NHERF1: variants seen among roughly 807,000 people sequenced by gnomAD.
NHERF1 encodes Na(+)/H(+) exchange regulatory cofactor NHE-RF1.
chr17:74,762,634 T>C, the NHERF1 span, among the ~76,000 whole-genome samples: 3 of 151,922 alleles, frequency 2.0e-5, no homozygotes, highest in Non-Finnish European at 4.4e-5. The surrounding 1 kb of genome is among the most constrained non-coding windows in gnomAD (Gnocchi z 4.2). Context: ...CCCAGCTCAC[T>C]GCAACCTCCG....
At chr17:74,768,748 A>G in the NHERF1 span, 2 of 1,058,520 alleles carry the variant, frequency 1.9e-6, no homozygotes, top group East Asian at 2.4e-5. Flanking sequence ...GAATCAATGT[A>G]CAAATCAGCA....
the NHERF1 span, chr17:74,748,837 G>C: frequency 1.3e-6 from 2 of 1,586,546 alleles, no homozygotes; most frequent in Non-Finnish European, 1.7e-6. This position sits in a 1 kb window ranked among gnomAD's most constrained non-coding sequence, Gnocchi z 4.3. Flanking sequence ...CTGACCCGTC[G>C]CAGGGCGAGA....
At chr17:74,760,263 A>T in the NHERF1 span, among the ~76,000 whole-genome samples, 1 of 151,982 alleles carries the variant, frequency 6.6e-6, no homozygotes, top group Non-Finnish European at 1.5e-5. This position sits in a 1 kb window ranked among gnomAD's most constrained non-coding sequence, Gnocchi z 4.5. Context: ...ACTAGCTGGG[A>T]GTGGGCCCTG....
At chr17:74,760,544 G>T in the NHERF1 span, among the ~76,000 whole-genome samples, 1 of 152,154 alleles carries the variant, frequency 6.6e-6, no homozygotes, top group Non-Finnish European at 1.5e-5. This position sits in a 1 kb window ranked among gnomAD's most constrained non-coding sequence, Gnocchi z 4.5. Flanking sequence ...GCCTCCTGGG[G>T]CTGGCAAGTT....
At chr17:74,757,373 C>T in the NHERF1 span, among the ~76,000 whole-genome samples, 1 of 152,124 alleles carries the variant, frequency 6.6e-6, no homozygotes, top group Non-Finnish European at 1.5e-5. Flanking sequence ...CCAACATTCC[C>T]CTGCCGCCCG....
At chr17:74,759,638 G>T in the NHERF1 span, among the ~76,000 whole-genome samples, 817 of 152,372 alleles carry the variant, frequency 5.4e-3, 2 homozygotes, top group Non-Finnish European at 8.8e-3. Context: ...GCTGTGGTAG[G>T]TTGTGGTTTC....
the NHERF1 span, chr17:74,748,786 G>C: frequency 7.0e-7 from 1 of 1,425,456 alleles, no homozygotes. The surrounding 1 kb of genome is among the most constrained non-coding windows in gnomAD (Gnocchi z 4.3). Context: ...GAAGGGCTGG[G>C]CCGTCCCGTC....
the NHERF1 span, among the ~76,000 whole-genome samples, chr17:74,752,796 A>G: frequency 6.6e-6 from 1 of 152,206 alleles, no homozygotes; most frequent in East Asian, 1.9e-4. Context: ...TAAACACACA[A>G]TATTTTAATC....
the NHERF1 span, chr17:74,749,404 C>T: frequency 2.9e-6 from 3 of 1,029,700 alleles, no homozygotes; most frequent in Non-Finnish European, 4.1e-6. The surrounding 1 kb of genome is among the most constrained non-coding windows in gnomAD (Gnocchi z 5.6). Context: ...ACTCGAGCTG[C>T]GAGGGGGAGA....
the NHERF1 span, among the ~76,000 whole-genome samples, chr17:74,755,398 C>G: frequency 2.0e-5 from 3 of 152,164 alleles, no homozygotes; most frequent in African/African-American, 7.2e-5. Flanking sequence ...AGAGAGCCCC[C>G]CTCAAGGGTG....
chr17:74,768,532 A>C, the NHERF1 span: 2 of 1,613,546 alleles, frequency 1.2e-6, no homozygotes, highest in Non-Finnish European at 1.7e-6. Flanking sequence ...TCCTCCTCCG[A>C]CCCCATCCTA....
chr17:74,755,479 T>A, the NHERF1 span, among the ~76,000 whole-genome samples: 1 of 152,158 alleles, frequency 6.6e-6, no homozygotes, highest in Non-Finnish European at 1.5e-5. Context: ...TCCTAGGCAA[T>A]GTTTAGGTCC....
the NHERF1 span, among the ~76,000 whole-genome samples, chr17:74,756,273 C>CTTTTTTTTTT: frequency 6.0e-4 from 43 of 71,988 alleles, 1 homozygote; most frequent in Non-Finnish European, 7.2e-4. Flanking sequence ...TTCTTTCTTT[C>CTTTTTTTTTT]TTTTTTTTTT....
the NHERF1 span, among the ~76,000 whole-genome samples, chr17:74,761,313 C>T: frequency 1.3e-5 from 2 of 152,170 alleles, no homozygotes; most frequent in Non-Finnish European, 1.5e-5. The surrounding 1 kb of genome is among the most constrained non-coding windows in gnomAD (Gnocchi z 4.3). Flanking sequence ...CCTTGGGCAG[C>T]GGTGTCGGGG....
the NHERF1 span, among the ~76,000 whole-genome samples, chr17:74,752,210 G>C: frequency 6.6e-6 from 1 of 152,134 alleles, no homozygotes; most frequent in Admixed American, 6.5e-5. Context: ...CAAAGTGGGA[G>C]GATCGCCTGA....
the NHERF1 span, among the ~76,000 whole-genome samples, chr17:74,767,469 G>A: frequency 6.6e-6 from 1 of 152,146 alleles, no homozygotes; most frequent in Admixed American, 6.5e-5. Flanking sequence ...CCAAGCTGAC[G>A]CCCCAGCCAA....
At chr17:74,753,718 G>A in the NHERF1 span, among the ~76,000 whole-genome samples, 4 of 145,824 alleles carry the variant, frequency 2.7e-5, no homozygotes, top group Non-Finnish European at 4.5e-5. Flanking sequence ...GTGAGACCTC[G>A]TCTCTACCAA....
chr17:74,766,488 C>T, the NHERF1 span, among the ~76,000 whole-genome samples: 17 of 151,920 alleles, frequency 1.1e-4, no homozygotes, highest in East Asian at 3.3e-3. Context: ...CTGGTGTGAG[C>T]CACTATGCCT....
the NHERF1 span, among the ~76,000 whole-genome samples, chr17:74,754,862 A>G: frequency 3.4e-3 from 523 of 152,338 alleles, 6 homozygotes; most frequent in South Asian, 0.024. Flanking sequence ...AATACATGAT[A>G]GCTACTATTT....
Sources: allele counts gnomAD v4.1 joint callset (sites outside exome capture counted in the v4.1 genomes callset), GRCh38; gene constraint gnomAD v4.1.1; non-coding constraint Gnocchi (gnomAD v3.1); transcripts MANE v1.5; gene names NCBI Gene and HGNC (gene_info 2026-07-23, HGNC 2026-07-21).